Variants in COX10 observed in about 807,000 individuals in gnomAD.
The protein encoded by COX10 is protoheme IX farnesyltransferase, mitochondrial.
In COX10, 27 loss-of-function variants were observed where a neutral mutation model predicts 37.3. The ratio of observed to expected loss-of-function variants is 0.72; its 90% CI spans 0.53 to 1.00. The LOEUF is 1.00. Among genes scored for constraint, COX10 ranks in the 50% least tolerant of loss-of-function variants. COX10 has a pLI of 0.00. For synonymous variants in COX10, 222 were observed against 229.1 expected (o/e 0.97, Z 0.28); for missense variants, 475 against 563.2 (o/e 0.84, Z 1.59).
chr17:14,186,246 G>C (rs1906021404), intron 5 of COX10, among the ~76,000 whole-genome samples: 1 of 151,966 alleles, frequency 6.6e-6, no homozygotes, highest in South Asian at 2.1e-4. Context: ...AGACTTCACT[G>C]AGTCTGCATT....
chr17:14,100,706 G>T (rs2142198997), intron 3 of COX10, among the ~76,000 whole-genome samples: 1 of 152,302 alleles, frequency 6.6e-6, no homozygotes, highest in Middle Eastern at 3.4e-3. Flanking sequence ...TTTATATCAG[G>T]TATAGCATCA....
In COX10 at chr17:14,135,446, C is replaced by G. The variant is rs143782209; in HGVS notation, c.625-24431C>G. On this transcript the variant is annotated intron_variant, in intron 4 of 6. Coordinates refer to ENST00000261643, the MANE Select transcript of COX10 (RefSeq NM_001303.4). ...CGTGTATAAAGAATCACCTGGGGAG[C>G]TGATTGAAAATGCAGATGCTTGTCT... Among the ~76,000 whole-genome samples the G allele has an allele frequency of 5.9e-5, 9 of 151,880 alleles. No individual in the cohort carries two copies. The East Asian group carries it at 1.4e-3, about 23-fold the overall frequency.
At chr17:14,179,684 G>A (rs1165460649) in intron 5 of COX10, among the ~76,000 whole-genome samples, 1 of 152,042 alleles carries the variant, frequency 6.6e-6, no homozygotes, top group Non-Finnish European at 1.5e-5. Context: ...TGTTATTTCA[G>A]AGACATCTGT....
At chr17:14,166,785 CTTTTTTTTTTTT>C (rs57127092) in intron 5 of COX10, among the ~76,000 whole-genome samples, 1 of 100,260 alleles carries the variant, frequency 1.0e-5, no homozygotes, top group African/African-American at 3.7e-5. Flanking sequence ...CTATTTCTTT[CTTTTTTTTTTTT>C]TTTTTTTTTT....
chr17:14,184,561 T>G (rs1362720775), intron 5 of COX10, among the ~76,000 whole-genome samples: 1 of 152,182 alleles, frequency 6.6e-6, no homozygotes, highest in Non-Finnish European at 1.5e-5. Flanking sequence ...TTTAAGTACT[T>G]TTAATGACCA....
chr17:14,132,654 G>A (rs963937417), intron 4 of COX10, among the ~76,000 whole-genome samples: 1 of 151,240 alleles, frequency 6.6e-6, no homozygotes, highest in South Asian at 2.1e-4. Flanking sequence ...ATTTTCCAGA[G>A]GATATATTCA....
intron 1 of COX10, 92 bp from the exon 2 acceptor site, chr17:14,074,231 A>T (rs1316162602): frequency 6.5e-6 from 9 of 1,388,278 alleles, no homozygotes; most frequent in Non-Finnish European, 8.2e-6. Context: ...CGCTTACCTT[A>T]GTGGCTGGCT....
At chr17:14,094,249 A>G (rs1189932768) in intron 3 of COX10, among the ~76,000 whole-genome samples, 1 of 151,634 alleles carries the variant, frequency 6.6e-6, no homozygotes, top group African/African-American at 2.4e-5. Flanking sequence ...GTACTTTATC[A>G]GTAAAAAGAA....
chr17:14,180,653 T>G (rs1264081152), intron 5 of COX10, among the ~76,000 whole-genome samples: 1 of 152,214 alleles, frequency 6.6e-6, no homozygotes, highest in Non-Finnish European at 1.5e-5. Flanking sequence ...AATATGAATA[T>G]GAAGAGTTAA....
At chr17:14,117,197 G>A (rs1916133193) in intron 4 of COX10, among the ~76,000 whole-genome samples, 1 of 152,036 alleles carries the variant, frequency 6.6e-6, no homozygotes, top group African/African-American at 2.4e-5. Flanking sequence ...TTAACCCTTT[G>A]TTACAACTGT....
intron 3 of COX10, among the ~76,000 whole-genome samples, chr17:14,083,910 C>T (rs1915353960): frequency 3.3e-5 from 5 of 152,080 alleles, no homozygotes; most frequent in Admixed American, 3.3e-4. Flanking sequence ...GAACTTTTTT[C>T]CTGAGTAACA....
intron 5 of COX10, among the ~76,000 whole-genome samples, chr17:14,174,308 A>T (rs980855639): frequency 1.4e-4 from 22 of 151,908 alleles, no homozygotes; most frequent in African/African-American, 3.9e-4. Context: ...AAATTTTTTT[A>T]AAAAATTAGG....
In COX10 at chr17:14,182,086, G is replaced by A. The variant is rs565420909; in HGVS notation, c.696-9903G>A. On this transcript the variant is annotated intron_variant, in intron 5 of 6. Coordinates refer to ENST00000261643, the MANE Select transcript of COX10 (RefSeq NM_001303.4). ...TCAGTCAGCTTTCAGAACTCATTCA[G>A]CGTAGATCTGGTTTGTTTTCTTCCT... 13 of 982,266 alleles carry A rather than the reference G, an allele frequency of 1.3e-5. No homozygotes were observed. The East Asian group carries it at 1.3e-3, about 95-fold the overall frequency. The allele number at this position is 982,266 out of a possible 1,614,324, so 60.8% of individuals were successfully genotyped here. A position where few individuals can be genotyped will look rare whatever the true frequency, so the allele number is the denominator to read the frequency against.
chr17:14,192,336 C>A, intron 6 of COX10, 115 bp downstream of exon 6: 1 of 1,613,666 alleles, frequency 6.2e-7, no homozygotes, highest in Non-Finnish European at 8.5e-7. Context: ...ATTCTTTTAG[C>A]AAATGTGCTG....
intron 5 of COX10, among the ~76,000 whole-genome samples, chr17:14,160,638 C>T (rs1180144585): frequency 6.6e-6 from 1 of 152,118 alleles, no homozygotes; most frequent in Non-Finnish European, 1.5e-5. Context: ...TGTGATAACA[C>T]TTGTGAATCA....
chr17:14,121,461 A>G (rs1433043033), intron 4 of COX10, among the ~76,000 whole-genome samples: 3 of 152,186 alleles, frequency 2.0e-5, no homozygotes, highest in African/African-American at 4.8e-5. Context: ...CATGAGTTCT[A>G]ACAGTTGCAG....
rs1376132292 is a variant in COX10, at chr17:14,156,517, C to T, written c.625-3360C>T. Among the ~76,000 whole-genome samples the T allele has an allele frequency of 3.9e-5, 6 of 152,148 alleles. No homozygotes were observed. In the East Asian group the frequency reaches 5.8e-4, roughly 15 times the overall value. On this transcript the variant is annotated intron_variant, in intron 4 of 6. Transcript: ENST00000261643. ...TGCTGGGATTACAGGCGTGAGCCACCGTGCCCGGCCTAAATCTGAAATTTA... is the reference window on the plus strand; with the variant it reads ...TGCTGGGATTACAGGCGTGAGCCACTGTGCCCGGCCTAAATCTGAAATTTA...
chr17:14,115,691 A>T (rs1916096562), intron 4 of COX10, among the ~76,000 whole-genome samples: 1 of 152,222 alleles, frequency 6.6e-6, no homozygotes, highest in Non-Finnish European at 1.5e-5. Flanking sequence ...AATACTATTC[A>T]GCCATTAAAA....
At chr17:14,091,764 G>A (rs945643655) in intron 3 of COX10, among the ~76,000 whole-genome samples, 1 of 152,126 alleles carries the variant, frequency 6.6e-6, no homozygotes, top group Middle Eastern at 3.2e-3. Flanking sequence ...AAGTCGGAAC[G>A]ATACTTGAAA....
Sources: gnomAD v4.1 joint callset for allele counts (sites outside exome capture counted in the v4.1 genomes callset) on GRCh38, gnomAD v4.1.1 for gene constraint, MANE v1.5 for transcripts, NCBI Gene and HGNC (gene_info 2026-07-23, HGNC 2026-07-21) for gene names.